The following CTNNA2 variants were observed in gnomAD, a reference collection of about 807,000 sequenced individuals.
CTNNA2 encodes catenin alpha 2.
Under a neutral mutation model 101.0 loss-of-function variants are expected in CTNNA2, and 42 were observed. The ratio of observed to expected loss-of-function variants is 0.42; its 90% CI spans 0.32 to 0.54. CTNNA2 has a LOEUF of 0.54. Among genes scored for constraint, CTNNA2 ranks in the 20% least tolerant of loss-of-function variants. The probability of loss-of-function intolerance (pLI) is 0.14; values close to 1 mark genes in which losing one functional copy is unlikely to be tolerated. For missense variants in CTNNA2, 871 were observed against 1,223.1 expected, an observed-to-expected ratio of 0.71 and a Z score of 4.29; for synonymous variants, 450 against 456.4, an observed-to-expected ratio of 0.99 and a Z score of 0.18.
chr2:80,061,301 A>G (rs1697585029), intron 7 of CTNNA2, among the ~76,000 whole-genome samples: 1 of 152,246 alleles, frequency 6.6e-6, no homozygotes, highest in Non-Finnish European at 1.5e-5. Context: ...ATATAAGAAT[A>G]TAATGACAAA....
intron 3 of CTNNA2, among the ~76,000 whole-genome samples, chr2:79,345,849 C>T (rs141355548): frequency 9.7e-4 from 142 of 146,724 alleles, no homozygotes; most frequent in East Asian, 2.1e-3. Flanking sequence ...CCAGCCATCA[C>T]GCCCGGTTGA....
At chr2:79,584,867 GTGTA>G (rs1676380632) in intron 1 of CTNNA2, among the ~76,000 whole-genome samples, 1 of 152,192 alleles carries the variant, frequency 6.6e-6, no homozygotes, top group South Asian at 2.1e-4. Context: ...TTCTGGCTCT[GTGTA>G]TGCACCAGTC....
intron 1 of CTNNA2, among the ~76,000 whole-genome samples, chr2:79,593,880 GTTTTTTTT>G (rs945227300): frequency 1.2e-5 from 1 of 85,438 alleles, no homozygotes; most frequent in African/African-American, 5.3e-5. Flanking sequence ...CTTTCTTTTA[GTTTTTTTT>G]TTTTTTTTTT....
At chr2:79,758,607 T>C (rs6734568) in intron 3 of CTNNA2, among the ~76,000 whole-genome samples, 66,123 of 151,804 alleles carry the variant, frequency 0.44, 15,866 homozygotes, top group East Asian at 0.79. Context: ...TCCTTTCCTC[T>C]TCTAGTAATC....
At chr2:79,366,326 C>T (rs1001068315) in intron 3 of CTNNA2, among the ~76,000 whole-genome samples, 2 of 152,172 alleles carry the variant, frequency 1.3e-5, no homozygotes, top group East Asian at 3.9e-4. Flanking sequence ...TGTTTTCATA[C>T]AAGTGGAACA....
At chr2:80,574,460 T>C (rs1694871032) in intron 13 of CTNNA2, 146 bp downstream of exon 13, 3 of 947,334 alleles carry the variant, frequency 3.2e-6, no homozygotes, top group Non-Finnish European at 4.4e-6. Context: ...CAAGGTGAGC[T>C]TTATACTTAT....
intron 18 of CTNNA2, among the ~76,000 whole-genome samples, chr2:80,640,543 G>A (rs1673352722): frequency 1.3e-5 from 2 of 152,136 alleles, no homozygotes; most frequent in Non-Finnish European, 2.9e-5. Flanking sequence ...TATTACCCTG[G>A]ACTTTCTAGA....
At chr2:79,834,445 G>T (rs1679162999) in intron 3 of CTNNA2, among the ~76,000 whole-genome samples, 1 of 152,022 alleles carries the variant, frequency 6.6e-6, no homozygotes, top group Non-Finnish European at 1.5e-5. Flanking sequence ...GAGTTAGAAA[G>T]TTCCCAATTT....
chr2:80,435,608 AG>A (rs1453754432), intron 9 of CTNNA2, among the ~76,000 whole-genome samples: 2 of 152,242 alleles, frequency 1.3e-5, no homozygotes, highest in African/African-American at 4.8e-5. Context: ...GGACAGGAAC[AG>A]GTAGGTAGAG....
intron 3 of CTNNA2, among the ~76,000 whole-genome samples, chr2:79,748,918 A>C (rs1158708695): frequency 6.6e-6 from 1 of 152,122 alleles, no homozygotes; most frequent in Non-Finnish European, 1.5e-5. Context: ...GGATGACGCC[A>C]GGATCACGGG....
intron 2 of CTNNA2, among the ~76,000 whole-genome samples, chr2:79,717,996 T>A (rs1221881214): frequency 3.3e-5 from 5 of 151,366 alleles, no homozygotes; most frequent in African/African-American, 1.2e-4. Context: ...CTCCCAGGAC[T>A]GAGATTTCCT....
chr2:79,715,627 A>T (rs767938588), intron 2 of CTNNA2, among the ~76,000 whole-genome samples: 1 of 152,200 alleles, frequency 6.6e-6, no homozygotes, highest in Non-Finnish European at 1.5e-5. Flanking sequence ...AACACTGATG[A>T]GAAGCTACAT....
At chr2:79,970,510 C>T (rs1165513466) in intron 7 of CTNNA2, among the ~76,000 whole-genome samples, 3 of 152,140 alleles carry the variant, frequency 2.0e-5, no homozygotes, top group African/African-American at 7.2e-5. Context: ...GAATAGACCA[C>T]GGTGGCCATT....
chr2:80,173,623 G>A (rs751179866), intron 7 of CTNNA2, among the ~76,000 whole-genome samples: 1 of 152,184 alleles, frequency 6.6e-6, no homozygotes, highest in African/African-American at 2.4e-5. Context: ...CGCACTGGAT[G>A]GTAAACACGT....
intron 7 of CTNNA2, among the ~76,000 whole-genome samples, chr2:80,257,943 T>C (rs1672301161): frequency 6.6e-6 from 1 of 152,202 alleles, no homozygotes. Context: ...ATCCTATCTG[T>C]GGTCAAATTT....
intron 9 of CTNNA2, among the ~76,000 whole-genome samples, chr2:80,454,587 T>C (rs935535494): frequency 1.3e-5 from 2 of 152,188 alleles, no homozygotes; most frequent in African/African-American, 2.4e-5. Context: ...AGCTCAGAGA[T>C]TGAATTCTTA....
At chr2:79,187,524 A>G (rs963671857) in intron 1 of CTNNA2, among the ~76,000 whole-genome samples, 2 of 152,000 alleles carry the variant, frequency 1.3e-5, no homozygotes, top group African/African-American at 2.4e-5. Flanking sequence ...CTATGACCCA[A>G]TAATCATTGG....
chr2:80,445,958 C>T (rs188089145), intron 9 of CTNNA2, among the ~76,000 whole-genome samples: 1 of 152,264 alleles, frequency 6.6e-6, no homozygotes, highest in Admixed American at 6.5e-5. Context: ...CCTGGGCTTC[C>T]TTACCTGTAA....
In CTNNA2 at chr2:80,303,185, G is replaced by T; in HGVS notation, c.1057-90026G>T. The T allele has an allele frequency of 6.2e-7, 1 of 1,614,042 alleles. No individual in the cohort carries two copies. Among genetic ancestry groups the T allele is most frequent in the East Asian group, 2.2e-5 (1 of 44,858 alleles). On this transcript the variant is annotated intron_variant, in intron 7 of 18. Transcript: ENST00000402739. This position sits in a 1 kb window ranked among gnomAD's most constrained non-coding sequence, Gnocchi z 7.7. The stretch of plus-strand genomic sequence containing the variant: ...GTCGTTGTGCTCGAGGTGCAGCTCG[G>T]TGAGCTTAAACAAGCCGGCGAAAGA...
Sources: gnomAD v4.1 joint callset for allele counts (sites outside exome capture counted in the v4.1 genomes callset) on GRCh38, gnomAD v4.1.1 for gene constraint, Gnocchi (gnomAD v3.1) non-coding constraint, MANE v1.5 for transcripts, NCBI Gene and HGNC (gene_info 2026-07-23, HGNC 2026-07-21) for gene names.